Variants in MSRA observed in about 807,000 individuals in gnomAD.
The protein encoded by MSRA is methionine sulfoxide reductase A.
A neutral mutation model predicts 31.3 loss-of-function variants in MSRA; 54 were observed. The ratio of observed to expected loss-of-function variants is 1.73; its 90% CI spans 1.39 to 2.17. MSRA has a LOEUF of 2.17. Ranked by LOEUF, MSRA falls within the 30% of genes most tolerant of loss-of-function variation. The probability of loss-of-function intolerance (pLI) is 0.00; values close to 1 mark genes in which losing one functional copy is unlikely to be tolerated. For missense variants in MSRA, 507 were observed against 300.9 expected (o/e 1.69, Z -5.07); for synonymous variants, 169 against 116.5 (o/e 1.45, Z -2.90).
chr8:10,309,197 C>T (rs1801299957), intron 4 of MSRA, among the ~76,000 whole-genome samples: 1 of 152,272 alleles, frequency 6.6e-6, no homozygotes, highest in African/African-American at 2.4e-5. Flanking sequence ...TGCTTATTCT[C>T]TGACTCCTCT....
At chr8:10,166,511 TTG>T (rs990867699) in intron 1 of MSRA, among the ~76,000 whole-genome samples, 1 of 151,960 alleles carries the variant, frequency 6.6e-6, no homozygotes, top group Non-Finnish European at 1.5e-5. Flanking sequence ...GTATGTGCAT[TTG>T]TGTGTGTGTG....
At chr8:10,143,692 T>C (rs1585021796) in intron 1 of MSRA, among the ~76,000 whole-genome samples, 1 of 152,098 alleles carries the variant, frequency 6.6e-6, no homozygotes, top group African/African-American at 2.4e-5. Context: ...TCTACCCTCA[T>C]GACAGAATTC....
At chr8:10,164,218 C>T (rs1585069747) in intron 1 of MSRA, among the ~76,000 whole-genome samples, 2 of 152,348 alleles carry the variant, frequency 1.3e-5, no homozygotes, top group Admixed American at 1.3e-4. Context: ...GAACGATTGC[C>T]ATTCACAGTT....
rs1197230027 is a variant in MSRA at position 10,148,122 on chromosome 8, C to G, written c.143-59711C>G. On this transcript the variant is annotated intron_variant, in intron 1 of 5. Transcript: ENST00000317173. ...TGGGCAGAAAGGGCTCCTCTCGGCT[C>G]TGCAGCCGGAAAGGAGACATCTTTT... Among the ~76,000 whole-genome samples the G allele has an allele frequency of 2.6e-5, 4 of 152,110 alleles. No individual in the cohort carries two copies. The East Asian group carries it at 7.7e-4, about 29-fold the overall frequency.
intron 2 of MSRA, among the ~76,000 whole-genome samples, chr8:10,238,047 C>T (rs1316380232): frequency 6.6e-6 from 1 of 152,172 alleles, no homozygotes; most frequent in African/African-American, 2.4e-5. Context: ...TAGTCCTTAA[C>T]CATCCCACAA....
At position 10,297,697 on chromosome 8, in the gene MSRA, T is replaced by A. The variant is rs144687775; in HGVS notation, c.332-3837T>A. Among the ~76,000 whole-genome samples the A allele has an allele frequency of 4.7e-3, 718 of 152,344 alleles. 2 individuals carry two copies. Among genetic ancestry groups the A allele is most frequent in the Non-Finnish European group, 7.2e-3 (489 of 68,028 alleles). ...AAGGTGAGTTTGGCAAGGGCATCAC[T>A]GTGCTGTTTGTCAAGGCAAATGAAT... On this transcript the variant is annotated intron_variant, in intron 3 of 5. Coordinates refer to ENST00000317173, the MANE Select transcript of MSRA (RefSeq NM_012331.5).
At chr8:10,254,412 G>A (rs1166221680) in intron 3 of MSRA, among the ~76,000 whole-genome samples, 1 of 152,064 alleles carries the variant, frequency 6.6e-6, no homozygotes, top group Non-Finnish European at 1.5e-5. Context: ...TTGTTATAAG[G>A]CTTAAAAGAA....
chr8:10,099,266 C>T (rs77482779), intron 1 of MSRA, among the ~76,000 whole-genome samples: 343 of 152,216 alleles, frequency 2.3e-3, no homozygotes, highest in African/African-American at 7.8e-3. Flanking sequence ...GTGGCCCAGG[C>T]GTGAGGCAGA....
At chr8:10,222,492 T>C (rs1810605248) in intron 2 of MSRA, among the ~76,000 whole-genome samples, 1 of 152,168 alleles carries the variant, frequency 6.6e-6, no homozygotes, top group Non-Finnish European at 1.5e-5. Flanking sequence ...CATTCAACAA[T>C]TCTACTTCTT....
chr8:10,129,474 C>A (rs1023828857), intron 1 of MSRA, among the ~76,000 whole-genome samples: 2 of 152,022 alleles, frequency 1.3e-5, no homozygotes, highest in Non-Finnish European at 2.9e-5. Flanking sequence ...TTCCTTGATT[C>A]ACCCTTGAGC....
In MSRA at chr8:10,419,455, C is replaced by G. The variant is rs182884061; in HGVS notation, c.544-8693C>G. Among the ~76,000 whole-genome samples, 10 of 152,294 alleles carry G rather than the reference C, an allele frequency of 6.6e-5. No individual in the cohort carries two copies. In the East Asian group the frequency reaches 1.7e-3, roughly 26 times the overall value. ...CTGTGAATTTAAGTAAGGTCCCTAA[C>G]TGCTTTGGGTTTCCTAGTGGGTAAA... On this transcript the variant is annotated intron_variant, in intron 5 of 5. Coordinates refer to ENST00000317173, the MANE Select transcript of MSRA (RefSeq NM_012331.5).
intron 1 of MSRA, among the ~76,000 whole-genome samples, chr8:10,103,877 C>A (rs73528933): frequency 1.3e-5 from 2 of 151,784 alleles, no homozygotes; most frequent in African/African-American, 2.4e-5. Context: ...ATAACTAAAG[C>A]CTTACTCTCT....
chr8:10,341,226 G>T (rs1803407468), intron 5 of MSRA, among the ~76,000 whole-genome samples: 1 of 152,222 alleles, frequency 6.6e-6, no homozygotes, highest in African/African-American at 2.4e-5. Context: ...GATTCTGCAG[G>T]CTTTACAGGA....
intron 2 of MSRA, among the ~76,000 whole-genome samples, chr8:10,228,173 C>A (rs4545101): frequency 6.6e-6 from 1 of 151,996 alleles, no homozygotes; most frequent in East Asian, 1.9e-4. Flanking sequence ...TTTCTGGTCT[C>A]TGCCTATGTT....
intron 5 of MSRA, among the ~76,000 whole-genome samples, chr8:10,386,023 A>G (rs564088960): frequency 3.0e-4 from 46 of 152,214 alleles, no homozygotes; most frequent in African/African-American, 1.1e-3. Flanking sequence ...GTCTGTGAGT[A>G]TTTCAGGGCA....
chr8:10,263,762 A>T (rs1798602350), intron 3 of MSRA, among the ~76,000 whole-genome samples: 1 of 149,938 alleles, frequency 6.7e-6, no homozygotes, highest in South Asian at 2.1e-4. Flanking sequence ...AGAACCAGAA[A>T]GCCTTTCAAC....
intron 1 of MSRA, among the ~76,000 whole-genome samples, chr8:10,091,904 GC>G (rs1798878851): frequency 6.6e-6 from 1 of 152,108 alleles, no homozygotes; most frequent in African/African-American, 2.4e-5. Context: ...ACTGTGTCCG[GC>G]CGGTAGTTCT....
intron 1 of MSRA, among the ~76,000 whole-genome samples, chr8:10,108,215 C>G (rs1006290896): frequency 5.3e-5 from 8 of 152,332 alleles, no homozygotes; most frequent in African/African-American, 1.9e-4. Context: ...GTCTCTGTTG[C>G]AAACATTCAC....
intron 5 of MSRA, 44 bp from the exon 6 acceptor site, chr8:10,428,104 C>A: frequency 1.3e-6 from 2 of 1,583,758 alleles, no homozygotes; most frequent in Non-Finnish European, 8.6e-7. Flanking sequence ...CAGGTGCTGT[C>A]TCTCTAGCAT....
Sources: allele counts gnomAD v4.1 joint callset (sites outside exome capture counted in the v4.1 genomes callset), GRCh38; gene constraint gnomAD v4.1.1; transcripts MANE v1.5; gene names NCBI Gene and HGNC (gene_info 2026-07-23, HGNC 2026-07-21).